TMEM207: variants seen among roughly 807,000 people sequenced by gnomAD.
TMEM207 encodes the protein SRSR846.
A neutral mutation model predicts 17.4 loss-of-function variants in TMEM207; 15 were observed. The observed-to-expected ratio is 0.86, with a 90% CI of 0.58 to 1.33. TMEM207 has a LOEUF of 1.33. Among genes scored for constraint, TMEM207 ranks in the 40% most tolerant of loss-of-function variants. The pLI is 0.00. For missense variants in TMEM207, 205 were observed against 173.8 expected (o/e 1.18, Z -1.01); for synonymous variants, 70 against 65.6 (o/e 1.07, Z -0.33).
At chr3:190,441,325 G>T in intron 3 of TMEM207, 113 bp downstream of exon 3, 1 of 800,436 alleles carries the variant, frequency 1.2e-6, no homozygotes, top group South Asian at 1.7e-5. Flanking sequence ...TCATTTGCAT[G>T]ACCCCTAATC....
chr3:190,443,538 C>T (rs140679095), intron 2 of TMEM207, among the ~76,000 whole-genome samples: 1 of 152,130 alleles, frequency 6.6e-6, no homozygotes, highest in African/African-American at 2.4e-5. Flanking sequence ...ATTTATTGAC[C>T]TTTAGGATTT....
chr3:190,446,600 T>G (rs977572566), intron 2 of TMEM207, among the ~76,000 whole-genome samples: 1 of 152,244 alleles, frequency 6.6e-6, no homozygotes, highest in Non-Finnish European at 1.5e-5. Flanking sequence ...GAGAATGTGA[T>G]GCCTAAGTAC....
chr3:190,449,218 C>A (rs937863331), intron 1 of TMEM207, among the ~76,000 whole-genome samples: 15 of 152,112 alleles, frequency 9.9e-5, no homozygotes, highest in African/African-American at 3.6e-4. Flanking sequence ...TACTTTAGAT[C>A]TAAATCTTTC....
intron 2 of TMEM207, chr3:190,444,352 T>C (rs1719999697): frequency 4.3e-5 from 40 of 934,812 alleles, no homozygotes; most frequent in Non-Finnish European, 5.1e-5. Flanking sequence ...TCAACCCAAA[T>C]GCTCTGTCTG....
chr3:190,446,366 C>T (rs1458614418), intron 2 of TMEM207, among the ~76,000 whole-genome samples: 1 of 152,208 alleles, frequency 6.6e-6, no homozygotes, highest in Non-Finnish European at 1.5e-5. Flanking sequence ...ATTCCGCTGA[C>T]ACTGTCTTGC....
Position 190,440,903 on chromosome 3 carries a change from C to T in TMEM207, c.159-514G>A, listed in dbSNP as rs1322098613. ...CTAACACGGTGAAACCCCGTCTCTA[C>T]TAAAAAATACAAAAAATTAGCTGGG... On this transcript the variant is annotated intron_variant, in intron 3 of 4. Coordinates refer to ENST00000354905, the MANE Select transcript of TMEM207 (RefSeq NM_207316.3). Among the ~76,000 whole-genome samples, 3 of 152,072 alleles carry T rather than the reference C, an allele frequency of 2.0e-5. No individual in the cohort carries two copies. In the East Asian group the frequency reaches 5.8e-4, roughly 29 times the overall value.
chr3:190,440,503 G>T, intron 3 of TMEM207, 114 bp from the exon 4 acceptor site: 1 of 844,708 alleles, frequency 1.2e-6, no homozygotes, highest in Non-Finnish European at 1.7e-6. Context: ...CGCAAGCAAT[G>T]TGGGACACTG....
At chr3:190,439,565 G>C (rs1719884576) in intron 4 of TMEM207, among the ~76,000 whole-genome samples, 1 of 152,164 alleles carries the variant, frequency 6.6e-6, no homozygotes, top group Non-Finnish European at 1.5e-5. Flanking sequence ...TGGCTTCCCA[G>C]AAATCAGTAA....
rs1719622849 is a variant in TMEM207 at position 190,428,706 on chromosome 3, A to C, written c.*889T>G. On this transcript the variant is annotated 3_prime_UTR_variant, in exon 5 of 5. Transcript: ENST00000354905. ...TTTTGTTCAACAAATTTGTCAGCTG[A>C]AGATCATATGTCATCTGTGATGGAT... 6.6e-6 allele frequency: 1 copy of C among 152,164 alleles called. No homozygotes were observed. The highest frequency in any genetic ancestry group is 2.4e-5 in the African/African-American group (1 of 41,458). 9.4% of individuals were successfully genotyped at this position (152,164 alleles called of 1,614,324 possible).
At chr3:190,431,428 C>A (rs563301020) in intron 4 of TMEM207, among the ~76,000 whole-genome samples, 2 of 152,044 alleles carry the variant, frequency 1.3e-5, no homozygotes, top group South Asian at 4.2e-4. Flanking sequence ...AATCCATCCT[C>A]TTTTCATAGT....
At chr3:190,433,845 C>T (rs542350269) in intron 4 of TMEM207, among the ~76,000 whole-genome samples, 1 of 152,080 alleles carries the variant, frequency 6.6e-6, no homozygotes, top group Non-Finnish European at 1.5e-5. Context: ...AATGACTTAG[C>T]ACCATAACCT....
chr3:190,441,470 A>G lies in TMEM207; in HGVS notation c.126T>C (p.Tyr42=). The change falls in exon 3 of 5, where the codon TAT becomes TAC. Residue 42 remains tyrosine (Y), a synonymous_variant. Transcript: ENST00000354905. ...ACCAGCCATTAGGGTGTTGGTCATT[A>G]TAATTTACACACCTGGTGATAAAGG... is the stretch of plus-strand genomic sequence containing the variant. ...PCEEDEMCVN[Y]NDQHPNGWYI... is the part of the protein sequence containing the mutation. 1 of 1,611,838 alleles carries G rather than the reference A, an allele frequency of 6.2e-7. No homozygotes were observed. The highest frequency in any genetic ancestry group is 8.5e-7 in the Non-Finnish European group (1 of 1,178,820).
intron 4 of TMEM207, among the ~76,000 whole-genome samples, chr3:190,430,590 G>T (rs1719670943): frequency 6.6e-6 from 1 of 151,528 alleles, no homozygotes; most frequent in Admixed American, 6.6e-5. Context: ...ACTTACCTTT[G>T]AATGATTTTG....
intron 3 of TMEM207, among the ~76,000 whole-genome samples, chr3:190,440,616 T>C (rs1486911435): frequency 6.6e-6 from 1 of 152,184 alleles, no homozygotes; most frequent in African/African-American, 2.4e-5. Context: ...TAATAATCAT[T>C]TTCTCCTTAG....
intron 4 of TMEM207, among the ~76,000 whole-genome samples, chr3:190,437,485 G>A (rs549824668): frequency 2.0e-5 from 3 of 152,248 alleles, no homozygotes; most frequent in East Asian, 1.9e-4. Flanking sequence ...CTGAAAATCC[G>A]CAAATTACTG....
rs143670807 is a variant in TMEM207, at chr3:190,435,292, G to A, written c.304+4952C>T. 3.9e-5 allele frequency among the ~76,000 whole-genome samples: 6 copies of A among 152,222 alleles called. No homozygotes were observed. The East Asian group carries it at 1.2e-3, about 29-fold the overall frequency. ...ATTGCAGATGGCCACCCTTCTCCTT[G>A]TGTCTCTACATCATGGTCTTTACTT... On this transcript the variant is annotated intron_variant, in intron 4 of 4. Transcript: ENST00000354905.
Position 190,440,271 on chromosome 3 carries a change from CA to C in TMEM207, c.276del (p.Phe92LeufsTer16). 1.2e-6 allele frequency: 2 copies of C among 1,613,916 alleles called. No homozygotes were observed. Among genetic ancestry groups the C allele is most frequent in the Non-Finnish European group, 8.5e-7 (1 of 1,179,926 alleles). On this transcript the variant is annotated frameshift_variant, in exon 4 of 5. Coordinates refer to ENST00000354905, the MANE Select transcript of TMEM207 (RefSeq NM_207316.3). LOFTEE classifies it low-confidence loss of function (END_TRUNC). Reference protein sequence around the residue: ...IDSHRRTMAVFAVGDLDSIYG... With the variant: ...IDSHRRTMAVXAVGDLDSIYG... ...TAAATAGAGTCCAAGTCTCCAACAGCAAAAACTGCCATGGTGCGCCTGTGAG... is the reference window on the plus strand; with the variant it reads ...TAAATAGAGTCCAAGTCTCCAACAGCAAAACTGCCATGGTGCGCCTGTGAG...
intron 4 of TMEM207, among the ~76,000 whole-genome samples, chr3:190,437,963 T>C (rs1397915385): frequency 2.0e-5 from 3 of 151,290 alleles, no homozygotes; most frequent in African/African-American, 7.3e-5. Context: ...ATGGATGAAA[T>C]TGGAAATCAT....
intron 4 of TMEM207, among the ~76,000 whole-genome samples, chr3:190,439,256 G>GAA (rs751806168): frequency 2.1e-5 from 3 of 140,190 alleles, no homozygotes; most frequent in Admixed American, 7.1e-5. Flanking sequence ...ACCTTTGAAG[G>GAA]AAAAAAAAAA....
Sources: allele counts gnomAD v4.1 joint callset (sites outside exome capture counted in the v4.1 genomes callset), GRCh38; gene constraint gnomAD v4.1.1; transcripts MANE v1.5; gene names NCBI Gene and HGNC (gene_info 2026-07-23, HGNC 2026-07-21).